Variants in ZEB1 observed in about 807,000 individuals in gnomAD.
ZEB1 encodes the protein zinc finger E-box binding homeobox 1.
Under a neutral mutation model 84.9 loss-of-function variants are expected in ZEB1, and 21 were observed. The observed-to-expected ratio is 0.25, with a 90% CI of 0.18 to 0.36. The LOEUF is 0.36. ZEB1 is among the 10% of genes least tolerant of loss of function. ZEB1 has a pLI of 1.00. For synonymous variants in ZEB1, 420 were observed against 471.1 expected (o/e 0.89, Z 1.41); for missense variants, 1,104 against 1,330.2 (o/e 0.83, Z 2.65).
chr10:31,513,068 A>AT (rs1329745239), intron 5 of ZEB1, among the ~76,000 whole-genome samples: 1 of 152,186 alleles, frequency 6.6e-6, no homozygotes, highest in East Asian at 1.9e-4. Context: ...GGATCCAGGA[A>AT]TTTTTAATTT....
chr10:31,418,404 C>T (rs2055581318), intron 1 of ZEB1, among the ~76,000 whole-genome samples: 1 of 151,948 alleles, frequency 6.6e-6, no homozygotes, highest in African/African-American at 2.4e-5. Context: ...GATATAGGCA[C>T]AGTCTTTGAG....
intron 1 of ZEB1, among the ~76,000 whole-genome samples, 200 bp from the exon 2 acceptor site, chr10:31,460,837 G>A (rs1033869291): frequency 6.6e-6 from 1 of 151,920 alleles, no homozygotes; most frequent in African/African-American, 2.4e-5. Flanking sequence ...ATTCAATAAG[G>A]GTAGCTACTA....
chr10:31,342,700 AT>A (rs1564523979), intron 1 of ZEB1, among the ~76,000 whole-genome samples: 1 of 152,178 alleles, frequency 6.6e-6, no homozygotes, highest in East Asian at 1.9e-4. Context: ...TCTTATTTCA[AT>A]TCTAGCTTTT....
intron 1 of ZEB1, chr10:31,363,962 C>T: frequency 7.7e-7 from 1 of 1,292,966 alleles, no homozygotes; most frequent in Non-Finnish European, 9.9e-7. Context: ...GCTGGGAAGG[C>T]CTCACGGACA....
chr10:31,473,901 C>T (rs1381069692), intron 2 of ZEB1, among the ~76,000 whole-genome samples: 37 of 150,856 alleles, frequency 2.5e-4, no homozygotes, highest in Non-Finnish European at 2.8e-4. Flanking sequence ...TCAGAAATAA[C>T]GCCGCATATC....
chr10:31,503,340 A>G (rs1223846385), intron 4 of ZEB1, among the ~76,000 whole-genome samples: 2 of 152,134 alleles, frequency 1.3e-5, no homozygotes, highest in Non-Finnish European at 2.9e-5. Context: ...CAGATATTTA[A>G]TGTAATTTAA....
In ZEB1 at chr10:31,409,339, G is replaced by A. The variant is rs191942576; in HGVS notation, c.59-51698G>A. 1.7e-4 allele frequency among the ~76,000 whole-genome samples: 26 copies of A among 152,106 alleles called. No individual in the cohort carries two copies. In the East Asian group the frequency reaches 3.9e-3, roughly 23 times the overall value. On this transcript the variant is annotated intron_variant, in intron 1 of 8. Coordinates refer to ENST00000424869, the MANE Select transcript of ZEB1 (RefSeq NM_001174096.2). ...CAACCATTGTGGAAGTCAGTGTGGC[G>A]ATTCCTCAGGGATCTAGAACTAGAA...
intron 1 of ZEB1, among the ~76,000 whole-genome samples, chr10:31,399,523 C>T (rs1054504855): frequency 6.6e-6 from 1 of 152,098 alleles, no homozygotes; most frequent in African/African-American, 2.4e-5. Flanking sequence ...TTCTGAGATT[C>T]AGTTATTGCT....
intron 1 of ZEB1, among the ~76,000 whole-genome samples, chr10:31,388,033 A>G (rs1398813552): frequency 1.3e-5 from 2 of 152,166 alleles, no homozygotes; most frequent in Non-Finnish European, 2.9e-5. Flanking sequence ...GTTAACTAAT[A>G]TAATCTATAG....
intron 1 of ZEB1, among the ~76,000 whole-genome samples, chr10:31,443,692 T>C (rs1442773870): frequency 1.3e-5 from 2 of 150,490 alleles, no homozygotes; most frequent in African/African-American, 5.0e-5. Flanking sequence ...GATAGTTTAC[T>C]GAGAATGATG....
chr10:31,498,406 T>C (rs891806289), intron 3 of ZEB1, among the ~76,000 whole-genome samples: 1 of 152,040 alleles, frequency 6.6e-6, no homozygotes, highest in Non-Finnish European at 1.5e-5. Flanking sequence ...CCCTAATTTT[T>C]CTATTGAGGA....
intron 7 of ZEB1, among the ~76,000 whole-genome samples, chr10:31,522,642 G>C (rs541755588): frequency 1.2e-4 from 18 of 152,298 alleles, no homozygotes; most frequent in Middle Eastern, 3.4e-3. Context: ...GTTTTGGATA[G>C]AGCTATTGTA....
At chr10:31,382,477 TG>T (rs2047871057) in intron 1 of ZEB1, among the ~76,000 whole-genome samples, 2 of 152,138 alleles carry the variant, frequency 1.3e-5, no homozygotes, top group South Asian at 4.1e-4. Flanking sequence ...AGTAACTAAA[TG>T]TATGACAAAA....
intron 4 of ZEB1, among the ~76,000 whole-genome samples, chr10:31,509,673 A>G (rs766646776): frequency 6.6e-6 from 1 of 152,214 alleles, no homozygotes; most frequent in African/African-American, 2.4e-5. Context: ...AAAGGAATAT[A>G]TGTTCAGAAA....
At chr10:31,335,544 T>C (rs1337275462) in intron 1 of ZEB1, among the ~76,000 whole-genome samples, 2 of 152,218 alleles carry the variant, frequency 1.3e-5, no homozygotes, top group African/African-American at 2.4e-5. Context: ...AAAAGAATCA[T>C]GTGAGCATCT....
At chr10:31,476,483 A>G (rs2064208663) in intron 2 of ZEB1, among the ~76,000 whole-genome samples, 1 of 152,008 alleles carries the variant, frequency 6.6e-6, no homozygotes, top group Non-Finnish European at 1.5e-5. Flanking sequence ...ACCTTCCAAC[A>G]ACAAAAAAGC....
chr10:31,471,486 G>GA (rs1396637021), intron 2 of ZEB1, among the ~76,000 whole-genome samples: 1 of 150,996 alleles, frequency 6.6e-6, no homozygotes, highest in East Asian at 1.9e-4. Flanking sequence ...AATGGTAAAG[G>GA]GATCAATTCA....
chr10:31,377,184 AC>A (rs2046793351), intron 1 of ZEB1, among the ~76,000 whole-genome samples: 1 of 150,892 alleles, frequency 6.6e-6, no homozygotes, highest in South Asian at 2.1e-4. Flanking sequence ...GTTTCCCATG[AC>A]CACAATTAGT....
intron 1 of ZEB1, among the ~76,000 whole-genome samples, chr10:31,439,521 C>T (rs777270074): frequency 2.0e-5 from 3 of 151,958 alleles, no homozygotes; most frequent in Non-Finnish European, 4.4e-5. Flanking sequence ...AGCCAGTGTT[C>T]TAGATGAGGG....
Sources: gnomAD v4.1 joint callset for allele counts (sites outside exome capture counted in the v4.1 genomes callset) on GRCh38, gnomAD v4.1.1 for gene constraint, MANE v1.5 for transcripts, NCBI Gene and HGNC (gene_info 2026-07-23, HGNC 2026-07-21) for gene names.